The following PAPSS2 variants were observed in gnomAD, a reference collection of about 807,000 sequenced individuals.
The protein encoded by PAPSS2 is bifunctional 3'-phosphoadenosine 5'-phosphosulfate synthase 2.
In PAPSS2, 61 loss-of-function variants were observed where a neutral mutation model predicts 66.5. The observed-to-expected ratio is 0.92, with a 90% confidence interval of 0.75 to 1.14. PAPSS2 has a LOEUF of 1.14. Ranked by LOEUF, PAPSS2 falls within the 50% of genes most tolerant of loss-of-function variation. The pLI is 0.00. For synonymous variants in PAPSS2, 289 were observed against 287.5 expected (o/e 1.01, Z -0.05); for missense variants, 708 against 789.6 (o/e 0.90, Z 1.24).
At chr10:87,715,337 A>G (rs1853519830) in intron 6 of PAPSS2, among the ~76,000 whole-genome samples, 1 of 152,200 alleles carries the variant, frequency 6.6e-6, no homozygotes, top group Admixed American at 6.5e-5. Flanking sequence ...TAACTTCTGT[A>G]TTTGCATTGG....
At chr10:87,683,957 A>AGTC (rs1425353938) in intron 1 of PAPSS2, among the ~76,000 whole-genome samples, 7 of 152,182 alleles carry the variant, frequency 4.6e-5, no homozygotes, top group Non-Finnish European at 1.5e-5. Flanking sequence ...GGCCTCCCAA[A>AGTC]ATGCTTGGAT....
chr10:87,723,559 T>C lies in PAPSS2; in HGVS notation c.880+1789T>C, dbSNP rs570025799. Among the ~76,000 whole-genome samples the C allele has an allele frequency of 5.1e-4, 77 of 152,348 alleles. No individual in the cohort carries two copies. The South Asian group carries it at 0.016, about 31-fold the overall frequency. On this transcript the variant is annotated intron_variant, in intron 8 of 12. Transcript: ENST00000456849. ...CCGAGAACGTTGAAACAAAGAGTTA[T>C]TTGAATGACACACCATTACTTTCTG...
At position 87,711,891 on chromosome 10, in the gene PAPSS2, A is replaced by T. The variant is rs1452918006; in HGVS notation, c.146-1184A>T. 2.6e-5 allele frequency among the ~76,000 whole-genome samples: 4 copies of T among 152,044 alleles called. No individual in the cohort carries two copies. In the East Asian group the frequency reaches 7.7e-4, roughly 29 times the overall value. On this transcript the variant is annotated intron_variant, in intron 2 of 12. Transcript: ENST00000456849. The stretch of plus-strand genomic sequence containing the variant: ...AGGTGCTGTCGGACAGAGGCTTGGC[A>T]CCATGAAATATTCTTAGGTTCAGAG...
intron 8 of PAPSS2, among the ~76,000 whole-genome samples, chr10:87,722,099 A>T (rs1224132183): frequency 6.6e-6 from 1 of 152,210 alleles, no homozygotes; most frequent in Non-Finnish European, 1.5e-5. Flanking sequence ...GTTGGTCCTC[A>T]TTTAGTTTCA....
chr10:87,705,987 C>A (rs1853378813), intron 1 of PAPSS2, among the ~76,000 whole-genome samples: 1 of 150,384 alleles, frequency 6.6e-6, no homozygotes, highest in Non-Finnish European at 1.5e-5. Flanking sequence ...CCGCCTCGGC[C>A]TCCCAGAGTG....
In PAPSS2 at chr10:87,746,558, G is replaced by C. The variant is rs945882772; in HGVS notation, c.*588G>C. 1 of 152,260 alleles carries C rather than the reference G, an allele frequency of 6.6e-6. No individual in the cohort carries two copies. Among genetic ancestry groups the C allele is most frequent in the South Asian group, 2.1e-4 (1 of 4,824 alleles). The allele number at this position is 152,260 out of a possible 1,614,324, so 9.4% of individuals were successfully genotyped here. ...CTGGAGAAACAAAATGTGCAATAAC[G>C]TGAATTTTATCTTAGAGATCTGTGC... On this transcript the variant is annotated 3_prime_UTR_variant, in exon 13 of 13. Transcript: ENST00000456849.
At chr10:87,696,054 A>G (rs1288356130) in intron 1 of PAPSS2, among the ~76,000 whole-genome samples, 1 of 152,132 alleles carries the variant, frequency 6.6e-6, no homozygotes, top group Non-Finnish European at 1.5e-5. Flanking sequence ...GTGAGCATCT[A>G]TGGGTGTGGA....
chr10:87,665,242 C>T (rs1007031202), intron 1 of PAPSS2, among the ~76,000 whole-genome samples: 2 of 151,490 alleles, frequency 1.3e-5, no homozygotes, highest in Non-Finnish European at 1.5e-5. Context: ...GACAGAGTCT[C>T]GCACTGTCAC....
At chr10:87,725,882 T>TACACACACAC (rs1324153679) in intron 8 of PAPSS2, among the ~76,000 whole-genome samples, 31 of 58,442 alleles carry the variant, frequency 5.3e-4, no homozygotes, top group African/African-American at 1.6e-3. Flanking sequence ...AATATGTGTG[T>TACACACACAC]ATACACACAC....
In PAPSS2 at chr10:87,709,196, G is replaced by T. The variant is rs17173698; in HGVS notation, c.28G>T (p.Glu10Ter). MSGIKKQKTENQQKSTNVVY... is the reference protein window; with the variant it reads MSGIKKQKT ...TGCTTGGTTTTGTCTTATTTTATAG[G>T]AGAACCAGCAGAAATCCACCAATGT... is the stretch of plus-strand genomic sequence containing the variant. The change falls in exon 2 of 13, where the codon GAG becomes TAG. Residue 10 changes from glutamate to a stop codon, truncating the protein, a stop_gained and splice_region_variant. Coordinates refer to ENST00000456849, the MANE Select transcript of PAPSS2 (RefSeq NM_001015880.2). LOFTEE classifies it high-confidence loss of function. The T allele has an allele frequency of 1.3e-6, 2 of 1,599,926 alleles. No individual in the cohort carries two copies. Among genetic ancestry groups the T allele is most frequent in the African/African-American group, 1.3e-5 (1 of 74,608 alleles).
rs531350246 is a variant in PAPSS2 at position 87,735,638 on chromosome 10, G to A, written c.1087-5597G>A. On this transcript the variant is annotated intron_variant, in intron 9 of 12. Transcript: ENST00000456849. Reference sequence around the variant, plus strand: ...CTTGCATAATTGCCTTCTGTCTACCGCAGGGTTTCTCAGCCTCAGCACTGT... The same window carrying A: ...CTTGCATAATTGCCTTCTGTCTACCACAGGGTTTCTCAGCCTCAGCACTGT... 1.3e-3 allele frequency among the ~76,000 whole-genome samples: 198 copies of A among 152,262 alleles called. 1 individual carries two copies. Among genetic ancestry groups the A allele is most frequent in the African/African-American group, 4.3e-3 (177 of 41,536 alleles).
At chr10:87,681,491 T>C (rs1469815921) in intron 1 of PAPSS2, among the ~76,000 whole-genome samples, 1 of 152,260 alleles carries the variant, frequency 6.6e-6, no homozygotes, top group Non-Finnish European at 1.5e-5. Context: ...TGAAATGGGC[T>C]AAGTCAAGGT....
At chr10:87,660,037 C>T in intron 1 of PAPSS2, 29 bp downstream of exon 1, 5 of 1,606,340 alleles carry the variant, frequency 3.1e-6, no homozygotes, top group Non-Finnish European at 4.3e-6. Flanking sequence ...GCTTCCCTCC[C>T]CGCCACCGCA....
At chr10:87,725,421 C>T (rs568621525) in intron 8 of PAPSS2, among the ~76,000 whole-genome samples, 8 of 152,256 alleles carry the variant, frequency 5.3e-5, no homozygotes, top group African/African-American at 1.9e-4. Context: ...AAGCAAGAGA[C>T]TCAGCATAAT....
rs58668772 is a variant in PAPSS2, at chr10:87,724,851, T to TACAC, written c.881-2415_881-2412dup. 1.8e-4 allele frequency among the ~76,000 whole-genome samples: 25 copies of TACAC among 138,338 alleles called. 1 individual carries two copies. The East Asian group carries it at 3.0e-3, about 17-fold the overall frequency. The allele number at this position is 138,338 out of a possible 152,430, so 90.8% of individuals were successfully genotyped here. Reference sequence around the variant, plus strand: ...TAGGTATACAATAAATCTCTGTCTATACACACACACACACACACACATACA... The same window carrying TACAC: ...TAGGTATACAATAAATCTCTGTCTATACACACACACACACACACACACACATACA... On this transcript the variant is annotated intron_variant, in intron 8 of 12. Transcript: ENST00000456849.
Position 87,714,874 on chromosome 10 carries a change from C to A in PAPSS2, c.639+11C>A. ...CTTCTGCAAGAGCAGGTAGGTGAAC[C>A]GGTTGTCTTTTTTTATATGTTTAAT... On this transcript the variant is annotated intron_variant, in intron 5 of 12. Transcript: ENST00000456849. The A allele has an allele frequency of 1.3e-6, 2 of 1,533,180 alleles. No homozygotes were observed. Among genetic ancestry groups the A allele is most frequent in the Non-Finnish European group, 1.8e-6 (2 of 1,106,134 alleles). 95.0% of individuals were successfully genotyped at this position (1,533,180 alleles called of 1,614,324 possible). A position where few individuals can be genotyped will look rare whatever the true frequency, so the allele number is the denominator to read the frequency against.
chr10:87,715,816 GTTA>G lies in PAPSS2; in HGVS notation c.840_842del (p.Met281del). The G allele has an allele frequency of 6.2e-7, 1 of 1,609,726 alleles. No homozygotes were observed. The highest frequency in any genetic ancestry group is 1.3e-5 in the African/African-American group (1 of 74,912). On this transcript the variant is annotated inframe_deletion, in exon 7 of 13. Coordinates refer to ENST00000456849, the MANE Select transcript of PAPSS2 (RefSeq NM_001015880.2). Reference sequence around the variant, plus strand: ...CATGCGGGAGAAGGAGTACTTACAGGTTATGCACTTTGACACCCTGCTAGATGG... The same window carrying G: ...CATGCGGGAGAAGGAGTACTTACAGGTGCACTTTGACACCCTGCTAGATGG...
In PAPSS2 at chr10:87,715,021, G is replaced by C; in HGVS notation, c.676G>C (p.Glu226Gln). The change falls in exon 6 of 13, where the codon GAA (glutamate) becomes CAA (glutamine). Residue 226 changes from glutamate to glutamine, a missense_variant. Glu to Gln is a conservative substitution (Grantham distance 29). Coordinates refer to ENST00000456849, the MANE Select transcript of PAPSS2 (RefSeq NM_001015880.2). ...CTATACTATAATCAAAGATATCCACGAACTCTTTGTGCCGGAAAACAAACT... is the reference window on the plus strand; with the variant it reads ...CTATACTATAATCAAAGATATCCACCAACTCTTTGTGCCGGAAAACAAACT... ...VPYTIIKDIHELFVPENKLDH... is the reference protein window; with the variant it reads ...VPYTIIKDIHQLFVPENKLDH... 1 of 1,612,884 alleles carries C rather than the reference G, an allele frequency of 6.2e-7. No individual in the cohort carries two copies. Among genetic ancestry groups the C allele is most frequent in the Middle Eastern group, 1.7e-4 (1 of 6,058 alleles).
chr10:87,744,973 C>A, intron 11 of PAPSS2, 29 bp from the exon 12 acceptor site: 1 of 1,588,390 alleles, frequency 6.3e-7, no homozygotes, highest in Non-Finnish European at 8.6e-7. Context: ...CCCACAATGA[C>A]CAGCATGTCC....
Sources: gnomAD v4.1 joint callset for allele counts (sites outside exome capture counted in the v4.1 genomes callset) on GRCh38, gnomAD v4.1.1 for gene constraint, MANE v1.5 for transcripts, NCBI Gene and HGNC (gene_info 2026-07-23, HGNC 2026-07-21) for gene names.